The following FKBP9 variants were observed in gnomAD, a reference collection of about 807,000 sequenced individuals.
FKBP9 encodes FKBP prolyl isomerase 9.
Under a neutral mutation model 55.6 loss-of-function variants are expected in FKBP9, and 27 were observed. That is an observed-to-expected ratio of 0.49 (90% confidence interval 0.36 to 0.67). The LOEUF is 0.67. FKBP9 is among the 30% of genes least tolerant of loss of function. The pLI is 0.00. For missense variants in FKBP9, 539 were observed against 742.8 expected (o/e 0.73, Z 3.19); for synonymous variants, 267 against 296.5 (o/e 0.90, Z 1.02).
intron 5 of FKBP9, among the ~76,000 whole-genome samples, chr7:32,988,173 G>T (rs1246237251): frequency 2.0e-5 from 3 of 152,172 alleles, no homozygotes; most frequent in African/African-American, 7.2e-5. Flanking sequence ...GACAGAGTGA[G>T]ACCTTGCCTC....
intron 5 of FKBP9, among the ~76,000 whole-genome samples, chr7:32,980,940 T>C (rs1338361818): frequency 2.6e-5 from 4 of 151,272 alleles, no homozygotes; most frequent in African/African-American, 9.8e-5. Flanking sequence ...AGTTTCTTCA[T>C]AGGCTCTTGT....
chr7:32,984,486 G>A (rs938367707), intron 5 of FKBP9, among the ~76,000 whole-genome samples: 5 of 152,116 alleles, frequency 3.3e-5, no homozygotes, highest in East Asian at 1.9e-4. Context: ...TCAAACTCCC[G>A]GCCTCAAGTT....
intron 6 of FKBP9, 170 bp downstream of exon 6, chr7:32,988,822 G>A (rs1784627384): frequency 1.6e-6 from 1 of 631,650 alleles, no homozygotes. Context: ...TGGAACTCTT[G>A]GCCTCAAGTG....
In FKBP9 at chr7:32,974,714, C is replaced by T. The variant is rs775915304; in HGVS notation, c.319C>T (p.Arg107Cys). The T allele has an allele frequency of 3.7e-6, 6 of 1,613,786 alleles. No homozygotes were observed. The highest frequency in any genetic ancestry group is 1.7e-5 in the Admixed American group (1 of 59,984). The change falls in exon 2 of 10, where the codon CGT becomes TGT. Residue 107 changes from arginine to cysteine, a missense_variant. Arg to Cys is a radical substitution (Grantham distance 180, BLOSUM62 -3). Around this residue, in one of 4 missense-constraint regions of FKBP9, gnomAD observed 236 missense variants for 271.5 expected, o/e 0.87. Coordinates refer to ENST00000242209, the MANE Select transcript of FKBP9 (RefSeq NM_007270.5). The part of the protein sequence containing the change: ...ALVGMCVNER[R>C]FVKIPPKLAY... ...TGTTGGGATGTGCGTAAACGAGAGA[C>T]GTTTCGTGAAGATTCCCCCAAAGCT...
rs559643359 is a variant in FKBP9 at position 32,998,244 on chromosome 7, A to T, written c.1227-1871A>T. 2.7e-3 allele frequency among the ~76,000 whole-genome samples: 412 copies of T among 152,102 alleles called. 2 individuals are homozygous for T. The highest frequency in any genetic ancestry group is 9.7e-3 in the African/African-American group (402 of 41,386). ...GAGCTCCTAAGAGTGAAAATGGTCC[A>T]TGAGGTTAGAAGGGTCTGTAAGGTC... On this transcript the variant is annotated intron_variant, in intron 7 of 9. Coordinates refer to ENST00000242209, the MANE Select transcript of FKBP9 (RefSeq NM_007270.5).
In FKBP9 at chr7:32,957,708, C is replaced by A; in HGVS notation, c.135C>A (p.Asp45Glu). Residue 45 changes from aspartate (D) to glutamate (E), a missense_variant, in exon 1 of 10, where the codon GAC (aspartate) becomes GAA (glutamate). This residue lies in a region of FKBP9 where 236 missense variants were observed against 271.5 expected (regional missense o/e 0.87). Transcript: ENST00000242209. ...ELQIERRFVP[D>E]ECPRTVRSGD... Reference sequence around the variant, plus strand: ...AGATCGAGCGGCGCTTCGTGCCCGACGAGTGCCCGCGCACCGTGCGCAGCG... The same window carrying A: ...AGATCGAGCGGCGCTTCGTGCCCGAAGAGTGCCCGCGCACCGTGCGCAGCG... 6.5e-7 allele frequency: 1 copy of A among 1,543,082 alleles called. No homozygotes were observed. The highest frequency in any genetic ancestry group is 1.4e-5 in the African/African-American group (1 of 70,180).
intron 4 of FKBP9, among the ~76,000 whole-genome samples, chr7:32,977,911 A>ATG (rs1472921172): frequency 1.5e-5 from 1 of 66,120 alleles, no homozygotes; most frequent in Non-Finnish European, 5.3e-5. Context: ...ATATATACTC[A>ATG]TATATATATA....
intron 1 of FKBP9, among the ~76,000 whole-genome samples, chr7:32,961,863 G>A (rs1784031728): frequency 6.6e-6 from 1 of 151,912 alleles, no homozygotes; most frequent in Admixed American, 6.6e-5. Context: ...ACCCCTAGAT[G>A]GGACCATCTA....
intron 6 of FKBP9, 80 bp from the exon 7 acceptor site, chr7:32,996,083 A>T: frequency 1.5e-6 from 2 of 1,331,864 alleles, no homozygotes; most frequent in Non-Finnish European, 2.1e-6. Context: ...GGCCTTGAGG[A>T]CATACCTGGT....
At chr7:32,960,807 G>A (rs186515286) in intron 1 of FKBP9, among the ~76,000 whole-genome samples, 53 of 152,340 alleles carry the variant, frequency 3.5e-4, no homozygotes, top group Non-Finnish European at 3.7e-4. Context: ...AACATGGTGT[G>A]ATAAGTACAG....
At chr7:32,960,090 A>G (rs1167558782) in intron 1 of FKBP9, among the ~76,000 whole-genome samples, 3 of 150,872 alleles carry the variant, frequency 2.0e-5, no homozygotes, top group African/African-American at 7.3e-5. Flanking sequence ...CCACGGTCTC[A>G]ACAACACTTG....
intron 1 of FKBP9, among the ~76,000 whole-genome samples, chr7:32,971,203 A>G (rs1784246568): frequency 6.6e-6 from 1 of 152,166 alleles, no homozygotes; most frequent in Non-Finnish European, 1.5e-5. Context: ...GATGCTGCCC[A>G]TGAGTTTGTG....
intron 5 of FKBP9, among the ~76,000 whole-genome samples, chr7:32,985,302 G>A (rs186089736): frequency 2.6e-5 from 4 of 150,992 alleles, no homozygotes; most frequent in Non-Finnish European, 5.9e-5. Context: ...TCAGCCTCCC[G>A]AGTAGCTGGG....
intron 5 of FKBP9, among the ~76,000 whole-genome samples, chr7:32,987,234 A>G (rs13310199): frequency 0.53 from 80,443 of 151,946 alleles, 22,711 homozygotes; most frequent in Non-Finnish European, 0.63. Context: ...CTGTGGCTCA[A>G]GCCTGTAATT....
chr7:32,977,844 T>C (rs113539092), intron 4 of FKBP9, among the ~76,000 whole-genome samples: 8,492 of 139,666 alleles, frequency 0.061, 342 homozygotes, highest in East Asian at 0.19. Context: ...TATATATATA[T>C]ACACTCATAT....
chr7:32,958,085 A>G lies in FKBP9; in HGVS notation c.221+291A>G, dbSNP rs921856719. 3.9e-5 allele frequency among the ~76,000 whole-genome samples: 6 copies of G among 152,302 alleles called. No homozygotes were observed. The South Asian group carries it at 1.0e-3, about 26-fold the overall frequency. On this transcript the variant is annotated intron_variant, in intron 1 of 9. Coordinates refer to ENST00000242209, the MANE Select transcript of FKBP9 (RefSeq NM_007270.5). ...CTCCCAGCGCATGGACACACGCAAA[A>G]TCAGTGTAAAATAATCAGTGTAAGT...
Position 32,974,780 on chromosome 7 carries a change from G to A in FKBP9, c.367+18G>A, listed in dbSNP as rs375152082. 38 of 1,607,304 alleles carry A rather than the reference G, an allele frequency of 2.4e-5. No individual in the cohort carries two copies. The highest frequency in any genetic ancestry group is 1.6e-4 in the African/African-American group (12 of 74,758). The stretch of plus-strand genomic sequence containing the variant: ...AGGAGTTTGTAAGCTTTTCTTCCTC[G>A]TTTATAAACACGTCAGCAGAAACAA... On this transcript the variant is annotated intron_variant, in intron 2 of 9. Transcript: ENST00000242209.
intron 1 of FKBP9, among the ~76,000 whole-genome samples, chr7:32,962,680 G>A (rs1277991194): frequency 6.6e-6 from 1 of 151,836 alleles, no homozygotes; most frequent in Non-Finnish European, 1.5e-5. Context: ...CGCCACCTTG[G>A]CCAGGCTGGA....
chr7:32,957,452 C>T lies in FKBP9; in HGVS notation c.-122C>T, dbSNP rs560468914. 780 of 687,272 alleles carry T rather than the reference C, an allele frequency of 1.1e-3. 7 individuals carry two copies. The African/African-American group carries it at 0.014, about 12-fold the overall frequency. 42.6% of individuals were successfully genotyped at this position (687,272 alleles called of 1,614,324 possible). ...GCGGGCGGCCGGGGAGACGGGGTGGCGGCTGCAGCCCGGGTAGGGCCAGGA... is the reference window on the plus strand; with the variant it reads ...GCGGGCGGCCGGGGAGACGGGGTGGTGGCTGCAGCCCGGGTAGGGCCAGGA... On this transcript the variant is annotated 5_prime_UTR_variant, in exon 1 of 10. Transcript: ENST00000242209.
Sources: gnomAD v4.1 joint callset for allele counts (sites outside exome capture counted in the v4.1 genomes callset) on GRCh38, gnomAD v4.1.1 for gene constraint, gnomAD v4.1.1 regional missense constraint, MANE v1.5 for transcripts, NCBI Gene and HGNC (gene_info 2026-07-23, HGNC 2026-07-21) for gene names.